The following ABHD18 variants were observed in gnomAD, a reference collection of about 807,000 sequenced individuals.
ABHD18 encodes the protein abhydrolase domain containing 18, also known as cardiolipin-specific deacylase, mitochondrial.
A neutral mutation model predicts 65.9 loss-of-function variants in ABHD18; 55 were observed. The observed-to-expected ratio is 0.84, with a 90% CI of 0.67 to 1.05. ABHD18 has a LOEUF of 1.05. Among genes scored for constraint, ABHD18 ranks in the 50% least tolerant of loss-of-function variants. The pLI is 0.00. For missense variants in ABHD18, 533 were observed against 558.5 expected, an observed-to-expected ratio of 0.95 and a Z score of 0.46; for synonymous variants, 181 against 180.2, an observed-to-expected ratio of 1.00 and a Z score of -0.04.
In ABHD18 at chr4:128,035,910, T is replaced by A. The variant is rs1035621242; in HGVS notation, c.*97T>A. ...GAAGGACAAGCAGACAGCACTAATA[T>A]ATCTAATCGCTATCAATTTGGTCTG... On this transcript the variant is annotated 3_prime_UTR_variant, in exon 13 of 13. Transcript: ENST00000645843. 6 of 593,974 alleles carry A rather than the reference T, an allele frequency of 1.0e-5. No homozygotes were observed. Among genetic ancestry groups the A allele is most frequent in the Admixed American group, 6.7e-5 (2 of 29,690 alleles). The allele number at this position is 593,974 out of a possible 1,614,324, so 36.8% of individuals were successfully genotyped here.
At chr4:127,996,458 C>T (rs533571742) in intron 4 of ABHD18, among the ~76,000 whole-genome samples, 30 of 151,844 alleles carry the variant, frequency 2.0e-4, no homozygotes, top group African/African-American at 4.6e-4. Context: ...AGGGGGTGTA[C>T]GAACAGGGAG....
At chr4:127,971,910 A>G (rs1746896094) in intron 1 of ABHD18, among the ~76,000 whole-genome samples, 1 of 152,090 alleles carries the variant, frequency 6.6e-6, no homozygotes, top group African/African-American at 2.4e-5. Context: ...AACCACCTAG[A>G]ATTAATGCAG....
At chr4:128,014,911 C>T (rs568216946) in intron 7 of ABHD18, among the ~76,000 whole-genome samples, 1 of 152,172 alleles carries the variant, frequency 6.6e-6, no homozygotes, top group South Asian at 2.1e-4. Context: ...AACCCTGTCT[C>T]TACTAAAAAT....
At position 128,036,513 on chromosome 4, in the gene ABHD18, C is replaced by A. The variant is rs531897563; in HGVS notation, c.*700C>A. On this transcript the variant is annotated 3_prime_UTR_variant, in exon 13 of 13. Coordinates refer to ENST00000645843, the MANE Select transcript of ABHD18 (RefSeq NM_001358451.3). ...TGGGATGCTGAAGCGGGCAGATTACCTGAGGTTGGGAGTTCAAGACCAGCC... is the reference window on the plus strand; with the variant it reads ...TGGGATGCTGAAGCGGGCAGATTACATGAGGTTGGGAGTTCAAGACCAGCC... 1 of 151,432 alleles carries A rather than the reference C, an allele frequency of 6.6e-6. No individual in the cohort carries two copies. The highest frequency in any genetic ancestry group is 1.5e-5 in the Non-Finnish European group (1 of 67,938). 9.4% of individuals were successfully genotyped at this position (151,432 alleles called of 1,614,324 possible).
chr4:128,025,453 A>G (rs1757203839), intron 10 of ABHD18, among the ~76,000 whole-genome samples: 1 of 152,080 alleles, frequency 6.6e-6, no homozygotes, highest in Non-Finnish European at 1.5e-5. Flanking sequence ...TCCCTTTTTT[A>G]TGGACTATAC....
intron 1 of ABHD18, among the ~76,000 whole-genome samples, chr4:127,972,719 T>C (rs1468842824): frequency 6.6e-6 from 1 of 151,926 alleles, no homozygotes; most frequent in East Asian, 1.9e-4. Flanking sequence ...ATATACTCTT[T>C]ATTATTCCAG....
chr4:128,023,802 T>C (rs1208885896), intron 10 of ABHD18, among the ~76,000 whole-genome samples: 2 of 152,134 alleles, frequency 1.3e-5, no homozygotes, highest in Non-Finnish European at 2.9e-5. Flanking sequence ...GAGAATGGCG[T>C]GAACCCAGAA....
chr4:128,017,519 T>G lies in ABHD18; in HGVS notation c.609+18T>G, dbSNP rs1755730883. 1 of 1,577,632 alleles carries G rather than the reference T, an allele frequency of 6.3e-7. No homozygotes were observed. The highest frequency in any genetic ancestry group is 8.6e-7 in the Non-Finnish European group (1 of 1,166,826). On this transcript the variant is annotated intron_variant, in intron 8 of 12. Coordinates refer to ENST00000645843, the MANE Select transcript of ABHD18 (RefSeq NM_001358451.3). ...GAGGACACGTAAGCCTTTTTATTTC[T>G]GCTTACATTTAATTATGTTTATGTT...
intron 1 of ABHD18, among the ~76,000 whole-genome samples, chr4:127,966,675 G>T (rs1234717015): frequency 8.6e-6 from 1 of 116,068 alleles, no homozygotes; most frequent in African/African-American, 3.3e-5. Context: ...TGGCTAACAC[G>T]GTGAAACCCC....
chr4:127,974,922 G>A (rs1006003030), intron 1 of ABHD18, among the ~76,000 whole-genome samples: 5 of 150,546 alleles, frequency 3.3e-5, no homozygotes, highest in Non-Finnish European at 7.4e-5. Context: ...CTTGAACCCA[G>A]GAGGTGGAGG....
intron 3 of ABHD18, among the ~76,000 whole-genome samples, chr4:127,985,298 A>G (rs926590701): frequency 6.6e-6 from 1 of 152,062 alleles, no homozygotes; most frequent in African/African-American, 2.4e-5. Context: ...ACTTGGAGGT[A>G]TTGTTGGAGA....
chr4:128,005,354 G>A (rs1238984763), intron 4 of ABHD18, among the ~76,000 whole-genome samples: 1 of 152,240 alleles, frequency 6.6e-6, no homozygotes, highest in African/African-American at 2.4e-5. Flanking sequence ...AGCTGGAATT[G>A]AGAAAGGCCT....
chr4:128,033,963 T>C (rs548366829), intron 12 of ABHD18, among the ~76,000 whole-genome samples: 1 of 147,930 alleles, frequency 6.8e-6, no homozygotes, highest in East Asian at 2.0e-4. Flanking sequence ...TTTTTTCTTT[T>C]TTTTTTTTTT....
intron 12 of ABHD18, among the ~76,000 whole-genome samples, chr4:128,033,717 T>TA (rs1466081991): frequency 6.6e-6 from 1 of 150,964 alleles, no homozygotes; most frequent in Admixed American, 6.6e-5. Context: ...TTTCTATTTT[T>TA]AGTAGAGACG....
intron 10 of ABHD18, among the ~76,000 whole-genome samples, chr4:128,022,100 G>A: frequency 6.6e-6 from 1 of 152,120 alleles, no homozygotes; most frequent in East Asian, 1.9e-4. Flanking sequence ...GCTAGGGGAA[G>A]GATAGCATTA....
rs11098945 is a variant in ABHD18, at chr4:128,039,414, C to G, written c.*3601C>G. On this transcript the variant is annotated 3_prime_UTR_variant, in exon 13 of 13. Transcript: ENST00000645843. ...GTTTGCCACAGCCTACTGGACTTCC[C>G]TCTTATATCAGACAACTTCTCTACT... The G allele has an allele frequency of 1.3e-5, 2 of 151,550 alleles. No homozygotes were observed. Among genetic ancestry groups the G allele is most frequent in the African/African-American group, 4.8e-5 (2 of 41,298 alleles). 9.4% of individuals were successfully genotyped at this position (151,550 alleles called of 1,614,324 possible). A position where few individuals can be genotyped will look rare whatever the true frequency, so the allele number is the denominator to read the frequency against.
At chr4:127,996,863 G>A (rs967795530) in intron 4 of ABHD18, among the ~76,000 whole-genome samples, 11 of 152,138 alleles carry the variant, frequency 7.2e-5, no homozygotes, top group Admixed American at 1.3e-4. Flanking sequence ...TATTCTGCCC[G>A]ACCCTGCAGG....
intron 1 of ABHD18, among the ~76,000 whole-genome samples, chr4:127,974,700 ACTT>A (rs1277788539): frequency 6.6e-6 from 1 of 151,720 alleles, no homozygotes; most frequent in Non-Finnish European, 1.5e-5. Context: ...ATAGTGAACT[ACTT>A]CTGGCTGGGC....
At chr4:127,982,498 A>T (rs1749236515) in intron 1 of ABHD18, among the ~76,000 whole-genome samples, 1 of 152,140 alleles carries the variant, frequency 6.6e-6, no homozygotes, top group African/African-American at 2.4e-5. Context: ...TGGGTAAATT[A>T]TACTCTCTAT....
Sources: gnomAD v4.1 joint callset for allele counts (sites outside exome capture counted in the v4.1 genomes callset) on GRCh38, gnomAD v4.1.1 for gene constraint, MANE v1.5 for transcripts, NCBI Gene and HGNC (gene_info 2026-07-23, HGNC 2026-07-21) for gene names.